NRCAM: variants seen among roughly 807,000 people sequenced by gnomAD.
NRCAM encodes the protein NgCAM-related cell adhesion molecule.
Under a neutral mutation model 156.5 loss-of-function variants are expected in NRCAM, and 83 were observed. The ratio of observed to expected loss-of-function variants is 0.53; its 90% CI spans 0.44 to 0.64. The LOEUF (loss-of-function observed/expected upper bound fraction) is 0.64. NRCAM is among the 30% of genes least tolerant of loss of function. NRCAM has a pLI of 0.00. For missense variants in NRCAM, 1,417 were observed against 1,597.3 expected, an observed-to-expected ratio of 0.89 and a Z score of 1.92; for synonymous variants, 538 against 563.9, an observed-to-expected ratio of 0.95 and a Z score of 0.65.
At position 108,184,268 on chromosome 7, in the gene NRCAM, C is replaced by G; in HGVS notation, c.2277G>C (p.Glu759Asp). The G allele has an allele frequency of 1.9e-6, 3 of 1,614,122 alleles. No homozygotes were observed. Among genetic ancestry groups the G allele is most frequent in the Non-Finnish European group, 2.5e-6 (3 of 1,180,002 alleles). Residue 759 changes from glutamate (E) to aspartate (D), a missense_variant, in exon 22 of 33, where the codon GAG (glutamate) becomes GAC (aspartate). Glu to Asp is a conservative substitution (Grantham distance 45, BLOSUM62 2). This residue lies in a region of NRCAM where 1,238 missense variants were observed against 1,336.4 expected (regional missense o/e 0.93). Coordinates refer to ENST00000379028, the MANE Select transcript of NRCAM (RefSeq NM_001037132.4). ...NPTAVEGLGSEPDNLVITWKP... is the reference protein window; with the variant it reads ...NPTAVEGLGSDPDNLVITWKP... ...TCCACGTAATCACCAAATTATCAGG[C>G]TCTGATCCCAGTCCTTCCACAGCTG...
At chr7:108,332,784 AAC>A (rs1318714688) in intron 2 of NRCAM, among the ~76,000 whole-genome samples, 2 of 152,244 alleles carry the variant, frequency 1.3e-5, no homozygotes, top group South Asian at 4.1e-4. Context: ...TCTTATTCAA[AAC>A]ACATGTCTAA....
At chr7:108,299,464 G>T (rs2098545872) in intron 3 of NRCAM, among the ~76,000 whole-genome samples, 1 of 152,068 alleles carries the variant, frequency 6.6e-6, no homozygotes, top group Non-Finnish European at 1.5e-5. Context: ...TTTTCAGATA[G>T]AATCAGTCAT....
At chr7:108,210,683 C>T (rs1459470843) in intron 11 of NRCAM, among the ~76,000 whole-genome samples, 1 of 152,078 alleles carries the variant, frequency 6.6e-6, no homozygotes, top group Non-Finnish European at 1.5e-5. Flanking sequence ...CCTTAGTTGC[C>T]TTAATAGGGA....
Position 108,274,927 on chromosome 7 carries a change from T to C in NRCAM, c.-106-34757A>G, listed in dbSNP as rs149289492. 6.6e-3 allele frequency among the ~76,000 whole-genome samples: 1,006 copies of C among 152,208 alleles called. 8 individuals are homozygous for C. Among genetic ancestry groups the C allele is most frequent in the African/African-American group, 0.021 (850 of 41,444 alleles). On this transcript the variant is annotated intron_variant, in intron 3 of 32. Transcript: ENST00000379028. ...GTACATTCCATTAATACCTCATTTA[T>C]TGAAAGTTTTTTAGCATGAAAGGCT... is the stretch of plus-strand genomic sequence containing the variant.
chr7:108,406,227 A>G (rs1290725206), intron 1 of NRCAM, among the ~76,000 whole-genome samples: 1 of 152,170 alleles, frequency 6.6e-6, no homozygotes, highest in Non-Finnish European at 1.5e-5. Context: ...CAGGAAAAAA[A>G]GGGGAGAAAT....
intron 14 of NRCAM, among the ~76,000 whole-genome samples, chr7:108,196,723 T>A (rs575960607): frequency 6.3e-4 from 96 of 152,234 alleles, no homozygotes; most frequent in African/African-American, 2.3e-3. Context: ...CACTTAAACA[T>A]TGTGGGAGGG....
chr7:108,356,833 A>G (rs1160768650), intron 2 of NRCAM, among the ~76,000 whole-genome samples: 1 of 152,202 alleles, frequency 6.6e-6, no homozygotes, highest in Non-Finnish European at 1.5e-5. Flanking sequence ...CCCAAAATTC[A>G]TATGTTGAAA....
At chr7:108,211,047 C>G (rs2083990359) in intron 11 of NRCAM, among the ~76,000 whole-genome samples, 1 of 152,238 alleles carries the variant, frequency 6.6e-6, no homozygotes, top group Admixed American at 6.5e-5. Context: ...TGAAAGGACT[C>G]ACAGACTCTC....
intron 1 of NRCAM, among the ~76,000 whole-genome samples, chr7:108,417,956 C>T (rs1173487564): frequency 6.6e-6 from 1 of 152,164 alleles, no homozygotes; most frequent in Non-Finnish European, 1.5e-5. Flanking sequence ...AACCTTTTAG[C>T]CATTTAGCAC....
intron 1 of NRCAM, among the ~76,000 whole-genome samples, chr7:108,401,540 C>CA (rs2099792811): frequency 6.6e-6 from 1 of 152,082 alleles, no homozygotes; most frequent in African/African-American, 2.4e-5. Context: ...GATCCTGTCT[C>CA]AAAAACAAAA....
chr7:108,302,921 T>A (rs977995165), intron 3 of NRCAM, among the ~76,000 whole-genome samples: 1 of 152,136 alleles, frequency 6.6e-6, no homozygotes, highest in Non-Finnish European at 1.5e-5. Context: ...CACAGTCCTG[T>A]CTTCCTCTTA....
intron 3 of NRCAM, among the ~76,000 whole-genome samples, chr7:108,299,130 G>GAAAGAAAGAAAA (rs2098532094): frequency 1.3e-5 from 1 of 77,220 alleles, no homozygotes; most frequent in Non-Finnish European, 2.7e-5. Flanking sequence ...AAGAAAGAAA[G>GAAAGAAAGAAAA]AAAGAAAGAA....
intron 3 of NRCAM, among the ~76,000 whole-genome samples, chr7:108,257,014 AAAAAAG>A (rs796271704): frequency 0.042 from 5,815 of 137,010 alleles, 402 homozygotes; most frequent in African/African-American, 0.14. Context: ...CGAAAAAAAA[AAAAAAG>A]AAAAAGAAAA....
At chr7:108,360,720 G>A (rs1415050777) in intron 2 of NRCAM, among the ~76,000 whole-genome samples, 1 of 152,162 alleles carries the variant, frequency 6.6e-6, no homozygotes, top group African/African-American at 2.4e-5. Flanking sequence ...GTTGATAAGG[G>A]TGTCAGGACA....
intron 3 of NRCAM, among the ~76,000 whole-genome samples, chr7:108,296,670 T>C (rs541177945): frequency 6.6e-6 from 1 of 152,226 alleles, no homozygotes; most frequent in South Asian, 2.1e-4. Context: ...ATAGATATTT[T>C]TTACTGTATG....
At chr7:108,370,084 T>C (rs2099618778) in intron 2 of NRCAM, among the ~76,000 whole-genome samples, 1 of 152,172 alleles carries the variant, frequency 6.6e-6, no homozygotes, top group African/African-American at 2.4e-5. Context: ...TTTTCTAGGC[T>C]TGATGAAGAA....
intron 32 of NRCAM, chr7:108,156,320 AT>A (rs2045461263): frequency 1.0e-6 from 1 of 985,114 alleles, no homozygotes; most frequent in Non-Finnish European, 1.2e-6. Context: ...ACATGGGCAT[AT>A]GGTTTATGAC....
At chr7:108,206,679 C>T (rs1288834193) in intron 13 of NRCAM, among the ~76,000 whole-genome samples, 2 of 152,134 alleles carry the variant, frequency 1.3e-5, no homozygotes, top group Non-Finnish European at 2.9e-5. Context: ...CAGTGAGGTG[C>T]AACATCCATT....
chr7:108,315,780 A>G (rs991374527), intron 2 of NRCAM, among the ~76,000 whole-genome samples: 3 of 152,224 alleles, frequency 2.0e-5, no homozygotes, highest in Admixed American at 2.0e-4. Flanking sequence ...AGGTGAACCA[A>G]TGTGGATCAT....
Sources: allele counts gnomAD v4.1 joint callset (sites outside exome capture counted in the v4.1 genomes callset), GRCh38; gene constraint gnomAD v4.1.1; regional missense constraint gnomAD v4.1.1; transcripts MANE v1.5; gene names NCBI Gene and HGNC (gene_info 2026-07-23, HGNC 2026-07-21).